The following COL6A6 variants were observed in gnomAD, a reference collection of about 807,000 sequenced individuals.
The protein encoded by COL6A6 is collagen type VI alpha 6 chain, also known as collagen alpha-6(VI) chain.
In COL6A6, 183 loss-of-function variants were observed where a neutral mutation model predicts 208.6. The ratio of observed to expected loss-of-function variants is 0.88; its 90% CI spans 0.78 to 0.99. The LOEUF (loss-of-function observed/expected upper bound fraction) is 0.99. COL6A6 is among the 50% of genes least tolerant of loss of function. The pLI is 0.00. For synonymous variants in COL6A6, 973 were observed against 1,011.8 expected (o/e 0.96, Z 0.73); for missense variants, 2,816 against 2,815.2 (o/e 1.00, Z -0.01).
At chr3:130,646,182 G>C (rs943235602) in intron 32 of COL6A6, among the ~76,000 whole-genome samples, 4 of 152,140 alleles carry the variant, frequency 2.6e-5, no homozygotes, top group African/African-American at 9.7e-5. Context: ...TAAAGCATAG[G>C]ATGCTGTGTC....
chr3:130,532,293 C>T (rs1483729003), intron 1 of COL6A6, among the ~76,000 whole-genome samples: 3 of 152,182 alleles, frequency 2.0e-5, no homozygotes, highest in Non-Finnish European at 4.4e-5. Context: ...TCCTTCAGAA[C>T]TTATTAAAGC....
intron 22 of COL6A6, among the ~76,000 whole-genome samples, chr3:130,610,428 G>A (rs558767376): frequency 6.6e-6 from 1 of 152,124 alleles, no homozygotes; most frequent in Non-Finnish European, 1.5e-5. Context: ...CAGTCAGTTT[G>A]ACTGCAGATC....
At chr3:130,548,370 A>G (rs1457804883) in intron 1 of COL6A6, among the ~76,000 whole-genome samples, 1 of 152,136 alleles carries the variant, frequency 6.6e-6, no homozygotes, top group African/African-American at 2.4e-5. Context: ...GAATTCCACA[A>G]GTGCTTCTCA....
Position 130,661,894 on chromosome 3 carries a change from A to G in COL6A6, c.6088A>G (p.Arg2030Gly), listed in dbSNP as rs763000056. 1 of 1,613,996 alleles carries G rather than the reference A, an allele frequency of 6.2e-7. No individual in the cohort carries two copies. Among genetic ancestry groups the G allele is most frequent in the South Asian group, 1.1e-5 (1 of 91,074 alleles). The stretch of plus-strand genomic sequence containing the variant: ...ACCCAACACTCAGAAGAGTCCAGTT[A>G]GAGCTGAGTTCAATCTTACCACCTA... ...FLPNTQKSPV[R>G]AEFNLTTYRS... is the part of the protein sequence containing the mutation. The change falls in exon 35 of 37, where the codon AGA becomes GGA. Residue 2030 changes from arginine to glycine, a missense_variant. Physicochemically the swap from Arg to Gly is moderately radical, Grantham distance 125 (BLOSUM62 -2). Coordinates refer to ENST00000358511, the MANE Select transcript of COL6A6 (RefSeq NM_001102608.3).
intron 20 of COL6A6, among the ~76,000 whole-genome samples, chr3:130,601,374 G>A (rs1476664743): frequency 6.6e-6 from 1 of 152,202 alleles, no homozygotes; most frequent in African/African-American, 2.4e-5. Flanking sequence ...TTGCAAGGCA[G>A]AGAAAATGAA....
chr3:130,569,635 T>C (rs2063111733), intron 6 of COL6A6, among the ~76,000 whole-genome samples: 1 of 152,230 alleles, frequency 6.6e-6, no homozygotes, highest in Admixed American at 6.5e-5. Context: ...ACCTGGTTTC[T>C]ATTTCCTGGT....
At chr3:130,534,350 TCTG>T (rs1415001357) in intron 1 of COL6A6, among the ~76,000 whole-genome samples, 1 of 152,222 alleles carries the variant, frequency 6.6e-6, no homozygotes, top group East Asian at 1.9e-4. Flanking sequence ...TGTTCATCTT[TCTG>T]CTGGAGTCAG....
intron 11 of COL6A6, among the ~76,000 whole-genome samples, chr3:130,587,097 G>C (rs752653385): frequency 2.0e-5 from 3 of 152,104 alleles, no homozygotes; most frequent in Non-Finnish European, 4.4e-5. Flanking sequence ...TATTTTTCCT[G>C]GGATAAGGCC....
intron 6 of COL6A6, 127 bp downstream of exon 6, chr3:130,568,731 T>A: frequency 4.3e-6 from 4 of 929,586 alleles, no homozygotes; most frequent in Non-Finnish European, 6.3e-6. Context: ...TTTCTCCTAG[T>A]GGCTTTGACC....
chr3:130,645,832 C>G (rs1466493485), intron 32 of COL6A6, among the ~76,000 whole-genome samples: 3 of 152,170 alleles, frequency 2.0e-5, no homozygotes, highest in Admixed American at 6.5e-5. Context: ...TGATGTTTTT[C>G]TGTAAACTTA....
intron 24 of COL6A6, among the ~76,000 whole-genome samples, chr3:130,622,523 T>C (rs549395447): frequency 6.6e-6 from 1 of 152,202 alleles, no homozygotes; most frequent in East Asian, 1.9e-4. Context: ...AATGGCATTA[T>C]TAGAAGTATT....
intron 36 of COL6A6, 87 bp from the exon 37 acceptor site, chr3:130,675,115 C>A: frequency 1.2e-6 from 1 of 867,668 alleles, no homozygotes; most frequent in African/African-American, 1.7e-5. Flanking sequence ...ATGGGTGAAA[C>A]AATTAATTTA....
intron 35 of COL6A6, among the ~76,000 whole-genome samples, chr3:130,663,586 A>C (rs1181872014): frequency 2.6e-5 from 4 of 152,224 alleles, no homozygotes; most frequent in African/African-American, 9.6e-5. Flanking sequence ...AAGACTGATA[A>C]CTTGTAAAGA....
At chr3:130,610,532 GCT>G (rs2064323918) in intron 22 of COL6A6, 115 bp from the exon 23 acceptor site, 1 of 761,664 alleles carries the variant, frequency 1.3e-6, no homozygotes, top group African/African-American at 1.8e-5. Context: ...CATGATTGGA[GCT>G]CTCTTTCCCA....
chr3:130,608,415 G>A (rs929688614), intron 21 of COL6A6, among the ~76,000 whole-genome samples: 15 of 152,150 alleles, frequency 9.9e-5, no homozygotes, highest in East Asian at 1.9e-4. Context: ...TCTTGAATTC[G>A]TTATGCTTTT....
chr3:130,539,557 C>G (rs950136760), intron 1 of COL6A6, among the ~76,000 whole-genome samples: 1 of 151,132 alleles, frequency 6.6e-6, no homozygotes, highest in African/African-American at 2.4e-5. Context: ...TGGCGTGAAC[C>G]CGGGAGGCGG....
intron 29 of COL6A6, 117 bp downstream of exon 29, chr3:130,641,831 T>G: frequency 1.9e-6 from 1 of 519,798 alleles, no homozygotes; most frequent in Non-Finnish European, 3.5e-6. Flanking sequence ...TCTTGGCCAC[T>G]TTTTTCCCAC....
intron 36 of COL6A6, among the ~76,000 whole-genome samples, chr3:130,673,199 CAAAAAAAACAAAAAAAACAAAA>C (rs1292473393): frequency 1.1e-5 from 1 of 90,378 alleles, no homozygotes; most frequent in Non-Finnish European, 2.0e-5. Context: ...AACAAAAAAA[CAAAAAAAACAAAAAAAACAAAA>C]AAAAAAAACA....
Position 130,581,815 on chromosome 3 carries a change from A to T in COL6A6, c.3802A>T (p.Ile1268Leu), listed in dbSNP as rs1473843152. The T allele has an allele frequency of 6.8e-6, 11 of 1,613,036 alleles. No individual in the cohort carries two copies. The highest frequency in any genetic ancestry group is 7.6e-6 in the Non-Finnish European group (9 of 1,179,042). The part of the protein sequence containing the change: ...SENILNSLKD[I>L]TVKGPSLLNA... ...AAACATACTGAATAGCTTGAAGGAT[A>T]TAACAGTTAAAGGACCATCTCTTCT... Residue 1268 changes from isoleucine to leucine, a missense_variant, in exon 9 of 37, where the codon ATA becomes TTA. Coordinates refer to ENST00000358511, the MANE Select transcript of COL6A6 (RefSeq NM_001102608.3).
Sources: allele counts gnomAD v4.1 joint callset (sites outside exome capture counted in the v4.1 genomes callset), GRCh38; gene constraint gnomAD v4.1.1; transcripts MANE v1.5; gene names NCBI Gene and HGNC (gene_info 2026-07-23, HGNC 2026-07-21).